MAPT: variants seen among roughly 807,000 people sequenced by gnomAD.
MAPT encodes the protein microtubule-associated protein tau.
MAPT carries 34 observed loss-of-function variants against 67.9 expected under a neutral mutation model. The ratio of observed to expected loss-of-function variants is 0.50; its 90% CI spans 0.38 to 0.67. The LOEUF (loss-of-function observed/expected upper bound fraction) is 0.67. MAPT is among the 30% of genes least tolerant of loss of function. The pLI is 0.00. For synonymous variants in MAPT, 456 were observed against 464.5 expected (o/e 0.98, Z 0.23); for missense variants, 881 against 1,115.2 (o/e 0.79, Z 2.99).
intron 8 of MAPT, chr17:45,993,799 C>T (rs900489841): frequency 5.1e-5 from 47 of 924,202 alleles, no homozygotes; most frequent in Non-Finnish European, 7.4e-5. Flanking sequence ...CCCTTGGGCC[C>T]CTCGACCTTG....
intron 10 of MAPT, among the ~76,000 whole-genome samples, chr17:46,012,934 G>A (rs1005792489): frequency 7.9e-5 from 12 of 152,006 alleles, no homozygotes; most frequent in East Asian, 1.9e-4. Context: ...GTCCCCCAAC[G>A]TCCTTGCCAC....
intron 1 of MAPT, chr17:45,898,393 G>C (rs1313058528): frequency 6.6e-6 from 1 of 152,236 alleles, no homozygotes; most frequent in Non-Finnish European, 1.5e-5. Context: ...GAATCGCTTT[G>C]ATTGAGGAAA....
intron 5 of MAPT, chr17:45,985,553 C>T (rs1020066822): frequency 3.1e-6 from 1 of 325,464 alleles, no homozygotes; most frequent in Non-Finnish European, 4.4e-6. Context: ...TTTTCTGCTG[C>T]AGGACTTGTC....
intron 11 of MAPT, among the ~76,000 whole-genome samples, chr17:46,016,160 G>A (rs1306491643): frequency 6.6e-6 from 1 of 152,180 alleles, no homozygotes; most frequent in African/African-American, 2.4e-5. Context: ...GGGAGGCGGG[G>A]GTGGGCAGAT....
intron 1 of MAPT, among the ~76,000 whole-genome samples, chr17:45,900,954 G>A (rs55823844): frequency 0.14 from 21,834 of 152,230 alleles, 2,143 homozygotes; most frequent in Middle Eastern, 0.22. Context: ...TCCTGTGGAT[G>A]AGTGCTTGTG....
chr17:45,988,598 T>A (rs988048242), intron 6 of MAPT, among the ~76,000 whole-genome samples: 1 of 152,062 alleles, frequency 6.6e-6, no homozygotes, highest in Non-Finnish European at 1.5e-5. Flanking sequence ...AGCAGTGTTG[T>A]TTACACTGAC....
At chr17:45,982,018 C>CAA (rs1264327504) in intron 4 of MAPT, among the ~76,000 whole-genome samples, 13,223 of 83,804 alleles carry the variant, frequency 0.16, 1,081 homozygotes, top group Non-Finnish European at 0.24. Flanking sequence ...GACCCTGTCT[C>CAA]AAAAAAAAAA....
chr17:45,925,590 T>A (rs1480224879), intron 1 of MAPT, among the ~76,000 whole-genome samples: 1 of 152,178 alleles, frequency 6.6e-6, no homozygotes, highest in Non-Finnish European at 1.5e-5. Flanking sequence ...TAACAGGAAG[T>A]CTCAGAAGCT....
At chr17:45,951,812 G>C (rs76839282) in intron 1 of MAPT, among the ~76,000 whole-genome samples, 21,814 of 152,136 alleles carry the variant, frequency 0.14, 2,138 homozygotes, top group Non-Finnish European at 0.22. Context: ...CAACTTTAGT[G>C]CCTCCCCTAA....
chr17:45,903,951 A>AT (rs1480811225), intron 1 of MAPT, among the ~76,000 whole-genome samples: 119 of 10,934 alleles, frequency 0.011, 9 homozygotes, highest in African/African-American at 0.038. Flanking sequence ...TATAATATAT[A>AT]TTATATATTA....
At chr17:45,978,544 A>G (rs1598250380) in intron 4 of MAPT, 104 bp downstream of exon 4, 1 of 905,360 alleles carries the variant, frequency 1.1e-6, no homozygotes, top group African/African-American at 1.7e-5. Flanking sequence ...CTAATTCACA[A>G]GTCCAGGAGA....
At chr17:45,975,161 C>A (rs1338344430) in intron 3 of MAPT, 1 of 152,304 alleles carries the variant, frequency 6.6e-6, no homozygotes, top group East Asian at 1.9e-4. Context: ...GAGTCATTTC[C>A]TTCATGTCTT....
At chr17:45,981,263 T>C (rs17572627) in intron 4 of MAPT, among the ~76,000 whole-genome samples, 1 of 152,236 alleles carries the variant, frequency 6.6e-6, no homozygotes, top group East Asian at 1.9e-4. Flanking sequence ...GTGAGTTGCA[T>C]AGGTTGTTGC....
intron 9 of MAPT, among the ~76,000 whole-genome samples, chr17:46,007,131 CCTA>C (rs2075501899): frequency 6.6e-6 from 1 of 151,554 alleles, no homozygotes; most frequent in African/African-American, 2.4e-5. Context: ...AGTATATACA[CCTA>C]CTATGTACCC....
rs1326799629 is a variant in MAPT, at chr17:45,906,276, G to GT, written c.-18+11596dup. 2.0e-5 allele frequency among the ~76,000 whole-genome samples: 3 copies of GT among 152,130 alleles called. No homozygotes were observed. Among genetic ancestry groups the GT allele is most frequent in the Admixed American group, 6.5e-5 (1 of 15,278 alleles). ...GATGGAATTTCCTGGGAGCTTTTCT[G>GT]TTTTTTCTGGAGTTTTCAGTTTTTT... On this transcript the variant is annotated intron_variant, in intron 1 of 12. Coordinates refer to ENST00000262410, the MANE Select transcript of MAPT (RefSeq NM_001377265.1). This position sits in a 1 kb window ranked among gnomAD's most constrained non-coding sequence, Gnocchi z 4.3.
At chr17:45,963,214 C>T (rs370147262) in intron 2 of MAPT, among the ~76,000 whole-genome samples, 1 of 152,304 alleles carries the variant, frequency 6.6e-6, no homozygotes, top group African/African-American at 2.4e-5. Flanking sequence ...TAAACAACAT[C>T]GACTTCTAAA....
intron 4 of MAPT, among the ~76,000 whole-genome samples, chr17:45,981,225 G>A (rs541880400): frequency 1.3e-5 from 2 of 152,270 alleles, no homozygotes; most frequent in South Asian, 4.1e-4. Context: ...ATCCTTCAGG[G>A]CTGCAGGTTT....
At chr17:45,960,579 C>T (rs1005791604) in intron 1 of MAPT, among the ~76,000 whole-genome samples, 1 of 152,328 alleles carries the variant, frequency 6.6e-6, no homozygotes, top group East Asian at 1.9e-4. Context: ...TCCCATCTTG[C>T]TTTGTATAAA....
At chr17:46,015,576 A>G (rs1481668420) in intron 11 of MAPT, among the ~76,000 whole-genome samples, 2 of 147,244 alleles carry the variant, frequency 1.4e-5, no homozygotes, top group African/African-American at 2.5e-5. Flanking sequence ...GGAGAATGGC[A>G]TGAACCTGGG....
Sources: gnomAD v4.1 joint callset for allele counts (sites outside exome capture counted in the v4.1 genomes callset) on GRCh38, gnomAD v4.1.1 for gene constraint, Gnocchi (gnomAD v3.1) non-coding constraint, MANE v1.5 for transcripts, NCBI Gene and HGNC (gene_info 2026-07-23, HGNC 2026-07-21) for gene names.